Variants in CEP89 observed in about 807,000 individuals in gnomAD.
The protein encoded by CEP89 is centrosomal protein 89, also known as centrosomal protein of 89 kDa.
In CEP89, 95 loss-of-function variants were observed where a neutral mutation model predicts 97.6. That is an observed-to-expected ratio of 0.97 (90% CI 0.82 to 1.15). CEP89 has a LOEUF of 1.15. Ranked by LOEUF, CEP89 falls within the 50% of genes most tolerant of loss-of-function variation. CEP89 has a pLI of 0.00. For missense variants in CEP89, 869 were observed against 947.7 expected, an observed-to-expected ratio of 0.92 and a Z score of 1.09; for synonymous variants, 354 against 349.1, an observed-to-expected ratio of 1.01 and a Z score of -0.16.
intron 12 of CEP89, among the ~76,000 whole-genome samples, chr19:32,919,433 G>A (rs1006680769): frequency 5.9e-5 from 9 of 152,188 alleles, no homozygotes; most frequent in Admixed American, 5.9e-4. Flanking sequence ...CCCTACAGGT[G>A]AGGAGGAGGA....
intron 16 of CEP89, among the ~76,000 whole-genome samples, chr19:32,896,745 C>T (rs1969650362): frequency 6.6e-6 from 1 of 151,402 alleles, no homozygotes; most frequent in African/African-American, 2.4e-5. Context: ...CCAGGATATA[C>T]AAGGAACTCA....
chr19:32,956,805 GTTT>G (rs1435279514), intron 3 of CEP89, among the ~76,000 whole-genome samples: 1 of 151,980 alleles, frequency 6.6e-6, no homozygotes, highest in Admixed American at 6.6e-5. Context: ...GATTAAAAAG[GTTT>G]TTTTACTTTC....
At chr19:32,890,165 G>A (rs969205224) in intron 16 of CEP89, among the ~76,000 whole-genome samples, 3 of 152,150 alleles carry the variant, frequency 2.0e-5, no homozygotes, top group African/African-American at 7.2e-5. Context: ...CCAGCACTTT[G>A]GGAGGCTGAG....
chr19:32,937,796 CTT>C (rs951301516), intron 6 of CEP89, 123 bp from the exon 7 acceptor site: 1 of 737,782 alleles, frequency 1.4e-6, no homozygotes, highest in African/African-American at 1.8e-5. Context: ...CATTTTGACT[CTT>C]GTTCTTTGTT....
chr19:32,953,605 T>A lies in CEP89; in HGVS notation c.492+10A>T. The A allele has an allele frequency of 6.3e-7, 1 of 1,586,028 alleles. No homozygotes were observed. Among genetic ancestry groups the A allele is most frequent in the Non-Finnish European group, 8.6e-7 (1 of 1,162,818 alleles). ...AATGTCAAGAAGAAAACTGGGAACA[T>A]AGAAAACACCTGATTTCTGTGTGGC... On this transcript the variant is annotated intron_variant, in intron 4 of 18. Coordinates refer to ENST00000305768, the MANE Select transcript of CEP89 (RefSeq NM_032816.5).
At chr19:32,932,954 AAAAT>A (rs150396910) in intron 8 of CEP89, among the ~76,000 whole-genome samples, 230 of 152,338 alleles carry the variant, frequency 1.5e-3, no homozygotes, top group African/African-American at 5.5e-3. Context: ...CTGTCTCTAA[AAAAT>A]AAATAAATAA....
At chr19:32,886,993 T>C (rs1969411192) in intron 17 of CEP89, among the ~76,000 whole-genome samples, 1 of 122,604 alleles carries the variant, frequency 8.2e-6, no homozygotes, top group Admixed American at 9.4e-5. Context: ...CTGGGCAACA[T>C]AGCAAGACCT....
chr19:32,887,868 C>G (rs1314939342), intron 16 of CEP89, 27 bp from the exon 17 acceptor site: 1 of 1,268,638 alleles, frequency 7.9e-7, no homozygotes, highest in Non-Finnish European at 1.1e-6. Context: ...TAAATGGGCT[C>G]TCAGTTTTAC....
chr19:32,892,676 GAAA>G (rs61294746), intron 16 of CEP89, among the ~76,000 whole-genome samples: 3,010 of 107,388 alleles, frequency 0.028, 112 homozygotes, highest in African/African-American at 0.095. Context: ...AGGGCTAAAA[GAAA>G]AAAAAAAAAA....
intron 3 of CEP89, among the ~76,000 whole-genome samples, chr19:32,958,068 T>C (rs1488706823): frequency 6.7e-6 from 1 of 148,702 alleles, no homozygotes; most frequent in Non-Finnish European, 1.5e-5. Flanking sequence ...CTCCTGTGGG[T>C]CAGACCATCT....
chr19:32,937,601 C>T, intron 7 of CEP89, 30 bp downstream of exon 7: 2 of 1,503,608 alleles, frequency 1.3e-6, no homozygotes, highest in Non-Finnish European at 1.8e-6. Context: ...ACAAGCTTTT[C>T]AATCATAATA....
chr19:32,948,476 G>A, intron 4 of CEP89, 108 bp from the exon 5 acceptor site: 3 of 616,244 alleles, frequency 4.9e-6, no homozygotes, highest in Non-Finnish European at 8.4e-6. Flanking sequence ...CCCACTGGGA[G>A]CTTCCTCCAT....
intron 16 of CEP89, among the ~76,000 whole-genome samples, chr19:32,894,227 T>A (rs1275881389): frequency 3.3e-5 from 5 of 152,134 alleles, no homozygotes; most frequent in Non-Finnish European, 7.4e-5. Context: ...AGAGGCAGGA[T>A]AAGTAAAGTT....
At chr19:32,935,842 C>A (rs1431455903) in intron 7 of CEP89, among the ~76,000 whole-genome samples, 1 of 152,080 alleles carries the variant, frequency 6.6e-6, no homozygotes, top group African/African-American at 2.4e-5. Context: ...TTCTTGGGGG[C>A]CCAAGAAGGC....
intron 16 of CEP89, among the ~76,000 whole-genome samples, chr19:32,893,030 G>A (rs779205131): frequency 4.6e-5 from 7 of 151,766 alleles, no homozygotes; most frequent in Non-Finnish European, 1.0e-4. Flanking sequence ...GTAAGTCCTC[G>A]CATATCAATA....
At chr19:32,952,595 AT>A (rs1970944604) in intron 4 of CEP89, among the ~76,000 whole-genome samples, 1 of 152,116 alleles carries the variant, frequency 6.6e-6, no homozygotes, top group Non-Finnish European at 1.5e-5. Flanking sequence ...ATAACACATT[AT>A]AATGATGGTG....
chr19:32,968,621 T>A (rs188294734), intron 1 of CEP89, among the ~76,000 whole-genome samples: 11 of 149,530 alleles, frequency 7.4e-5, no homozygotes, highest in Admixed American at 2.7e-4. Flanking sequence ...TGCATAAGAT[T>A]TTTTTTTTTT....
At position 32,901,201 on chromosome 19, in the gene CEP89, AC is replaced by A. The variant is rs779353102; in HGVS notation, c.1733+43del. The A allele has an allele frequency of 3.8e-6, 6 of 1,584,236 alleles. No homozygotes were observed. In the East Asian group the frequency reaches 1.1e-4, roughly 30 times the overall value. On this transcript the variant is annotated intron_variant, in intron 15 of 18. Transcript: ENST00000305768. ...GTACCCAGACCATTTGTCTTTTTTA[AC>A]TATTGAAAATAAAAGCAACTTAAAG...
chr19:32,954,556 T>C (rs938295453), intron 3 of CEP89, among the ~76,000 whole-genome samples: 3 of 151,740 alleles, frequency 2.0e-5, no homozygotes, highest in African/African-American at 7.3e-5. Flanking sequence ...TTTCACCATG[T>C]TGTCCAGGCT....
Sources: gnomAD v4.1 joint callset for allele counts (sites outside exome capture counted in the v4.1 genomes callset) on GRCh38, gnomAD v4.1.1 for gene constraint, MANE v1.5 for transcripts, NCBI Gene and HGNC (gene_info 2026-07-23, HGNC 2026-07-21) for gene names.